Variants in IL20RB observed in about 807,000 individuals in gnomAD.
IL20RB encodes interleukin 20 receptor subunit beta.
IL20RB carries 21 observed loss-of-function variants against 33.3 expected under a neutral mutation model. The ratio of observed to expected loss-of-function variants is 0.63; its 90% CI spans 0.45 to 0.91. The LOEUF (loss-of-function observed/expected upper bound fraction) is 0.91, where lower values mean the gene tolerates loss of function less well. Among genes scored for constraint, IL20RB ranks in the 40% least tolerant of loss-of-function variants. The pLI is 0.00. For missense variants in IL20RB, 345 were observed against 384.8 expected (o/e 0.90, Z 0.86); for synonymous variants, 147 against 146.8 (o/e 1.00, Z -0.01).
At chr3:136,960,274 A>G (rs2108168466) in intron 1 of IL20RB, among the ~76,000 whole-genome samples, 1 of 149,660 alleles carries the variant, frequency 6.7e-6, no homozygotes, top group South Asian at 2.1e-4. Context: ...CAGCCTCCTG[A>G]GTAGCTGGGA....
chr3:136,986,302 A>T lies in IL20RB; in HGVS notation c.407-3139A>T, dbSNP rs146838274. On this transcript the variant is annotated intron_variant, in intron 3 of 6. Coordinates refer to ENST00000329582, the MANE Select transcript of IL20RB (RefSeq NM_144717.4). ...GTTTACCTTCTAAAGCTTCCTGGGC[A>T]GATTAAATGAGATAAGCATGCAGAA... is the stretch of plus-strand genomic sequence containing the variant. 3.9e-4 allele frequency among the ~76,000 whole-genome samples: 59 copies of T among 152,342 alleles called. No individual in the cohort carries two copies. In the East Asian group the frequency reaches 8.9e-3, roughly 23 times the overall value.
chr3:136,962,451 C>T (rs1301626218), intron 1 of IL20RB, among the ~76,000 whole-genome samples: 2 of 152,170 alleles, frequency 1.3e-5, no homozygotes, highest in Non-Finnish European at 2.9e-5. Flanking sequence ...CTGGCCAGTA[C>T]TTCTAAAAAA....
chr3:137,001,876 A>G (rs1185147115), intron 6 of IL20RB, among the ~76,000 whole-genome samples: 3 of 152,114 alleles, frequency 2.0e-5, no homozygotes, highest in African/African-American at 4.8e-5. Flanking sequence ...TGCTGCACCC[A>G]TCAACTCATC....
At chr3:136,979,167 G>A (rs1422756163) in intron 1 of IL20RB, among the ~76,000 whole-genome samples, 1 of 152,114 alleles carries the variant, frequency 6.6e-6, no homozygotes, top group African/African-American at 2.4e-5. Context: ...CAAGCTTAGG[G>A]GTGGGTGGGG....
At chr3:136,980,204 T>G (rs1418479963) in intron 1 of IL20RB, 1 of 487,658 alleles carries the variant, frequency 2.1e-6, no homozygotes, top group Non-Finnish European at 3.7e-6. Context: ...ATCAACAAAG[T>G]CAGAATTATA....
intron 1 of IL20RB, among the ~76,000 whole-genome samples, chr3:136,970,517 T>C (rs1941446262): frequency 6.6e-6 from 1 of 152,238 alleles, no homozygotes; most frequent in African/African-American, 2.4e-5. Flanking sequence ...TCTATTCCTT[T>C]GCCAATACAA....
chr3:137,010,556 GTC>G lies in IL20RB; in HGVS notation c.*341_*342del, dbSNP rs897419348. The stretch of plus-strand genomic sequence containing the variant: ...CACCTGCTAAACACACACACACAGA[GTC>G]TCTCTCTATATATACACACGTACAC... On this transcript the variant is annotated 3_prime_UTR_variant, in exon 7 of 7. Transcript: ENST00000329582. 4.3e-6 allele frequency: 1 copy of G among 234,948 alleles called. No homozygotes were observed. Among genetic ancestry groups the G allele is most frequent in the Non-Finnish European group, 8.4e-6 (1 of 119,002 alleles). 14.6% of individuals were successfully genotyped at this position (234,948 alleles called of 1,614,324 possible).
In IL20RB at chr3:136,961,958, G is replaced by C. The variant is rs561157408; in HGVS notation, c.88+3757G>C. 3.9e-5 allele frequency among the ~76,000 whole-genome samples: 6 copies of C among 152,186 alleles called. No individual in the cohort carries two copies. The East Asian group carries it at 7.7e-4, about 20-fold the overall frequency. On this transcript the variant is annotated intron_variant, in intron 1 of 6. Coordinates refer to ENST00000329582, the MANE Select transcript of IL20RB (RefSeq NM_144717.4). ...AAGTGTTCCCATTGGCCAAAAGCTA[G>C]AACAATTTGAATAATAAAATAACAA...
At chr3:137,006,929 G>A (rs1942361499) in intron 6 of IL20RB, among the ~76,000 whole-genome samples, 2 of 152,208 alleles carry the variant, frequency 1.3e-5, no homozygotes, top group Non-Finnish European at 2.9e-5. Context: ...TCGTCTTGAT[G>A]TTGGTGACTA....
Position 136,985,725 on chromosome 3 carries a change from A to G in IL20RB, c.406+3375A>G, listed in dbSNP as rs574782823. Among the ~76,000 whole-genome samples, 9 of 152,268 alleles carry G rather than the reference A, an allele frequency of 5.9e-5. No homozygotes were observed. In the South Asian group the frequency reaches 1.9e-3, roughly 32 times the overall value. On this transcript the variant is annotated intron_variant, in intron 3 of 6. Coordinates refer to ENST00000329582, the MANE Select transcript of IL20RB (RefSeq NM_144717.4). ...TGAGTCACAGGGGAGCTTTAGAATC[A>G]ATTATGCCTGGGGCTCTTCCCCAGA...
At chr3:136,987,925 C>T (rs1414895138) in intron 3 of IL20RB, among the ~76,000 whole-genome samples, 1 of 152,198 alleles carries the variant, frequency 6.6e-6, no homozygotes, top group Non-Finnish European at 1.5e-5. Flanking sequence ...CTCCAGCTGG[C>T]CCGCAAGCGC....
At position 136,958,008 on chromosome 3, in the gene IL20RB, T is replaced by C. The variant is rs1406275963; in HGVS notation, c.-106T>C. The stretch of plus-strand genomic sequence containing the variant: ...AGAACAATTCAGGCTTCGCTGCGAC[T>C]CAGACCTCAGCTCCAACATATGCAT... On this transcript the variant is annotated 5_prime_UTR_variant, in exon 1 of 7. Transcript: ENST00000329582. 1.3e-6 allele frequency: 1 copy of C among 749,582 alleles called. No homozygotes were observed. Among genetic ancestry groups the C allele is most frequent in the Non-Finnish European group, 2.3e-6 (1 of 437,092 alleles). The allele number at this position is 749,582 out of a possible 1,614,324, so 46.4% of individuals were successfully genotyped here. A position where few individuals can be genotyped will look rare whatever the true frequency, so the allele number is the denominator to read the frequency against.
chr3:136,998,189 AT>A (rs147205514), intron 6 of IL20RB, among the ~76,000 whole-genome samples: 5,742 of 127,194 alleles, frequency 0.045, 236 homozygotes, highest in East Asian at 0.14. Context: ...TTAATTAAAA[AT>A]TTTTTTTGAA....
chr3:136,984,366 G>A (rs1941852665), intron 3 of IL20RB, among the ~76,000 whole-genome samples: 1 of 152,062 alleles, frequency 6.6e-6, no homozygotes, highest in African/African-American at 2.4e-5. Context: ...GAGTGGAAAG[G>A]ATGACCATCT....
chr3:136,985,032 G>T (rs995545708), intron 3 of IL20RB, among the ~76,000 whole-genome samples: 1 of 152,196 alleles, frequency 6.6e-6, no homozygotes, highest in Non-Finnish European at 1.5e-5. Context: ...AGATAAGGGA[G>T]TGCCTACAAA....
intron 6 of IL20RB, among the ~76,000 whole-genome samples, chr3:137,005,981 A>G (rs759747898): frequency 6.6e-6 from 1 of 152,174 alleles, no homozygotes; most frequent in Non-Finnish European, 1.5e-5. Flanking sequence ...ATCTCTCAGC[A>G]TTTGCTTGGC....
intron 1 of IL20RB, among the ~76,000 whole-genome samples, chr3:136,966,844 A>G (rs1316404969): frequency 2.3e-5 from 1 of 43,920 alleles, no homozygotes; most frequent in Non-Finnish European, 4.1e-5. Flanking sequence ...AGTGCTATAA[A>G]TTTCCCTCTA....
chr3:136,995,239 A>G (rs1401573436), intron 5 of IL20RB, among the ~76,000 whole-genome samples, 175 bp from the exon 6 acceptor site: 2 of 152,202 alleles, frequency 1.3e-5, no homozygotes, highest in Non-Finnish European at 2.9e-5. Flanking sequence ...TTCTAGAAAA[A>G]TGCTTTTAAT....
intron 1 of IL20RB, chr3:136,959,095 A>T (rs1405507529): frequency 6.6e-6 from 1 of 152,146 alleles, no homozygotes; most frequent in African/African-American, 2.4e-5. Context: ...CTAGCTTAAA[A>T]ACCTTCACAG....
Sources: gnomAD v4.1 joint callset for allele counts (sites outside exome capture counted in the v4.1 genomes callset) on GRCh38, gnomAD v4.1.1 for gene constraint, MANE v1.5 for transcripts, NCBI Gene and HGNC (gene_info 2026-07-23, HGNC 2026-07-21) for gene names.